PLCZ1: variants seen among roughly 807,000 people sequenced by gnomAD.
PLCZ1 encodes the protein 1-phosphatidylinositol 4,5-bisphosphate phosphodiesterase zeta-1.
PLCZ1 carries 64 observed loss-of-function variants against 76.8 expected under a neutral mutation model. That is an observed-to-expected ratio of 0.83 (90% confidence interval 0.68 to 1.03). The LOEUF is 1.03. PLCZ1 is among the 50% of genes least tolerant of loss of function. The pLI is 0.00. For missense variants in PLCZ1, 751 were observed against 713.7 expected (o/e 1.05, Z -0.60); for synonymous variants, 248 against 230.8 (o/e 1.07, Z -0.68).
At chr12:18,653,193 C>CA in the PLCZ1 span, among the ~76,000 whole-genome samples, 10 of 152,112 alleles carry the variant, frequency 6.6e-5, no homozygotes, top group Non-Finnish European at 5.9e-5. Flanking sequence ...CCAGCATTGG[C>CA]AGCATGGTTT....
At chr12:18,673,340 A>G in the PLCZ1 span, among the ~76,000 whole-genome samples, 2 of 152,194 alleles carry the variant, frequency 1.3e-5, no homozygotes, top group Admixed American at 6.6e-5. Context: ...AATGTGATAT[A>G]TATGTCCCCA....
chr12:18,685,658 C>A (rs959265347), intron 13 of PLCZ1: 1 of 515,858 alleles, frequency 1.9e-6, no homozygotes, highest in African/African-American at 1.9e-5. Context: ...ATTACCTTGA[C>A]CTAAGAAGAG....
chr12:18,686,196 T>C (rs1179070898), intron 13 of PLCZ1, among the ~76,000 whole-genome samples: 1 of 151,988 alleles, frequency 6.6e-6, no homozygotes, highest in Non-Finnish European at 1.5e-5. Flanking sequence ...ACCACTGAAA[T>C]TTTATCCTGA....
At chr12:18,700,016 T>C in intron 9 of PLCZ1, 66 bp from the exon 10 acceptor site, 1 of 1,322,288 alleles carries the variant, frequency 7.6e-7, no homozygotes, top group East Asian at 2.4e-5. Flanking sequence ...TTTTTTCTAG[T>C]AAAGAAAATA....
intron 4 of PLCZ1, 118 bp downstream of exon 4, chr12:18,723,193 A>G (rs1958547295): frequency 2.2e-6 from 2 of 889,214 alleles, no homozygotes; most frequent in Admixed American, 2.5e-5. Context: ...GACCCATCCA[A>G]AAACGGTAAT....
At chr12:18,705,139 C>T (rs771247052) in intron 7 of PLCZ1, 27 bp downstream of exon 7, 2 of 1,612,258 alleles carry the variant, frequency 1.2e-6, no homozygotes, top group Non-Finnish European at 1.7e-6. Context: ...TTTTTCTTAA[C>T]CTGAGTTTCT....
chr12:18,690,748 C>A (rs2137114449), intron 12 of PLCZ1, among the ~76,000 whole-genome samples: 1 of 152,072 alleles, frequency 6.6e-6, no homozygotes, highest in South Asian at 2.1e-4. Flanking sequence ...ATGAAATAGG[C>A]AGGTAAGGCT....
chr12:18,713,099 C>G (rs1320322539), intron 5 of PLCZ1, 113 bp from the exon 6 acceptor site: 95 of 1,358,226 alleles, frequency 7.0e-5, no homozygotes, highest in Non-Finnish European at 9.1e-5. Flanking sequence ...ATAAATGAGT[C>G]CATAAAACTC....
chr12:18,694,738 G>A (rs1033983315), intron 12 of PLCZ1, among the ~76,000 whole-genome samples, 172 bp downstream of exon 12: 1 of 152,094 alleles, frequency 6.6e-6, no homozygotes, highest in Non-Finnish European at 1.5e-5. Context: ...ACAACAGGAA[G>A]ACATTTTTCA....
At chr12:18,690,528 A>G (rs1953916537) in intron 12 of PLCZ1, among the ~76,000 whole-genome samples, 1 of 152,136 alleles carries the variant, frequency 6.6e-6, no homozygotes, top group African/African-American at 2.4e-5. Context: ...CCCAGCCCAC[A>G]TCTCTTATCC....
intron 6 of PLCZ1, among the ~76,000 whole-genome samples, chr12:18,710,237 C>T (rs1957133608): frequency 6.7e-6 from 1 of 148,730 alleles, no homozygotes; most frequent in African/African-American, 2.5e-5. Flanking sequence ...CCTTGCAAGG[C>T]CTTTGAATTT....
chr12:18,650,230 C>A, the PLCZ1 span, among the ~76,000 whole-genome samples: 7,655 of 151,478 alleles, frequency 0.051, 226 homozygotes, highest in African/African-American at 0.089. Flanking sequence ...CCTTTCCCCT[C>A]CTAGTTGATG....
chr12:18,710,397 C>A (rs1213383326), intron 6 of PLCZ1, among the ~76,000 whole-genome samples: 1 of 151,560 alleles, frequency 6.6e-6, no homozygotes, highest in Non-Finnish European at 1.5e-5. Context: ...ACTAAGGAGG[C>A]CAGAATGGCC....
At chr12:18,661,248 C>G in the PLCZ1 span, among the ~76,000 whole-genome samples, 5 of 151,822 alleles carry the variant, frequency 3.3e-5, no homozygotes, top group South Asian at 8.3e-4. Context: ...AAATAGTACC[C>G]CAAATATTTC....
intron 5 of PLCZ1, among the ~76,000 whole-genome samples, chr12:18,718,596 G>A (rs1958234874): frequency 6.6e-6 from 1 of 151,904 alleles, no homozygotes; most frequent in African/African-American, 2.4e-5. Context: ...CCCACTAGAT[G>A]TTTCTAAGGC....
At chr12:18,645,811 T>A in the PLCZ1 span, among the ~76,000 whole-genome samples, 1 of 152,294 alleles carries the variant, frequency 6.6e-6, no homozygotes, top group East Asian at 1.9e-4. Flanking sequence ...TATTGATATG[T>A]TTTTTAAAAA....
intron 6 of PLCZ1, among the ~76,000 whole-genome samples, chr12:18,705,986 G>A (rs1043732760): frequency 6.6e-6 from 1 of 152,012 alleles, no homozygotes; most frequent in Non-Finnish European, 1.5e-5. Flanking sequence ...CAGCACTTTG[G>A]GAGGCCGAGG....
the PLCZ1 span, among the ~76,000 whole-genome samples, chr12:18,650,524 T>A: frequency 2.0e-5 from 3 of 150,514 alleles, no homozygotes; most frequent in African/African-American, 7.3e-5. Context: ...AGCTATTTTG[T>A]ATGCTCATTT....
chr12:18,681,669 T>A (rs1387358997), downstream of PLCZ1, among the ~76,000 whole-genome samples: 1 of 152,050 alleles, frequency 6.6e-6, no homozygotes, highest in Non-Finnish European at 1.5e-5. Flanking sequence ...AATAAAATAA[T>A]TTAATATTTC....
Sources: allele counts gnomAD v4.1 joint callset (sites outside exome capture counted in the v4.1 genomes callset), GRCh38; gene constraint gnomAD v4.1.1; transcripts MANE v1.5; gene names NCBI Gene and HGNC (gene_info 2026-07-23, HGNC 2026-07-21).